TRIM44: variants seen among roughly 807,000 people sequenced by gnomAD.
TRIM44 encodes tripartite motif containing 44.
Under a neutral mutation model 37.4 loss-of-function variants are expected in TRIM44, and 13 were observed. The ratio of observed to expected loss-of-function variants is 0.35; its 90% confidence interval spans 0.23 to 0.55. The LOEUF is 0.55. TRIM44 is among the 20% of genes least tolerant of loss of function. TRIM44 has a pLI of 0.89. For missense variants in TRIM44, 426 were observed against 437.2 expected (o/e 0.97, Z 0.23); for synonymous variants, 175 against 157.2 (o/e 1.11, Z -0.85).
chr11:35,757,691 A>G (rs542240132), intron 4 of TRIM44, among the ~76,000 whole-genome samples: 6 of 152,318 alleles, frequency 3.9e-5, no homozygotes, highest in African/African-American at 7.2e-5. Context: ...AGATTCTGGT[A>G]TGCTGTGTCT....
In TRIM44 at chr11:35,775,751, T is replaced by C. The variant is rs569125136; in HGVS notation, c.1008-30607T>C. Among the ~76,000 whole-genome samples, 3 of 152,342 alleles carry C rather than the reference T, an allele frequency of 2.0e-5. No individual in the cohort carries two copies. In the South Asian group the frequency reaches 6.2e-4, roughly 32 times the overall value. ...ATCATTTGGTTTTTGTCTTTGGTGCTGTTTATATGCTGGATTATGTTTATT... is the reference window on the plus strand; with the variant it reads ...ATCATTTGGTTTTTGTCTTTGGTGCCGTTTATATGCTGGATTATGTTTATT... On this transcript the variant is annotated intron_variant, in intron 4 of 4. Coordinates refer to ENST00000299413, the MANE Select transcript of TRIM44 (RefSeq NM_017583.6).
chr11:35,780,644 C>G (rs1005534090), intron 4 of TRIM44, among the ~76,000 whole-genome samples: 4 of 152,164 alleles, frequency 2.6e-5, no homozygotes, highest in African/African-American at 9.7e-5. Flanking sequence ...GGAATATGTG[C>G]CAATATTCAT....
intron 4 of TRIM44, among the ~76,000 whole-genome samples, chr11:35,736,710 GC>G (rs1184465421): frequency 1.3e-5 from 2 of 152,150 alleles, no homozygotes; most frequent in African/African-American, 4.8e-5. Flanking sequence ...TATGGCTAAA[GC>G]CACAGGCACC....
chr11:35,702,546 A>C (rs886083657), intron 2 of TRIM44, among the ~76,000 whole-genome samples: 1 of 152,238 alleles, frequency 6.6e-6, no homozygotes, highest in African/African-American at 2.4e-5. Flanking sequence ...ACTCACAGCA[A>C]ATCCTGTGAA....
At chr11:35,783,502 T>C (rs530435400) in intron 4 of TRIM44, among the ~76,000 whole-genome samples, 1 of 152,334 alleles carries the variant, frequency 6.6e-6, no homozygotes, top group Non-Finnish European at 1.5e-5. Flanking sequence ...ACATTTTCTT[T>C]CATTGTAATA....
At chr11:35,709,430 A>G (rs1851938509) in intron 2 of TRIM44, among the ~76,000 whole-genome samples, 1 of 152,208 alleles carries the variant, frequency 6.6e-6, no homozygotes, top group Non-Finnish European at 1.5e-5. Flanking sequence ...GGATGAAACA[A>G]AAAAATCCTT....
chr11:35,665,392 C>T (rs1186349475), intron 1 of TRIM44, among the ~76,000 whole-genome samples: 1 of 151,834 alleles, frequency 6.6e-6, no homozygotes, highest in African/African-American at 2.4e-5. Flanking sequence ...TCAAAACTTG[C>T]TATTACTGTA....
At chr11:35,773,645 C>T (rs1162907039) in intron 4 of TRIM44, among the ~76,000 whole-genome samples, 1 of 152,124 alleles carries the variant, frequency 6.6e-6, no homozygotes, top group African/African-American at 2.4e-5. Flanking sequence ...CAACAGGCCC[C>T]GGTGTGTGGT....
chr11:35,673,692 C>A (rs1851426524), intron 1 of TRIM44, among the ~76,000 whole-genome samples: 1 of 152,032 alleles, frequency 6.6e-6, no homozygotes, highest in African/African-American at 2.4e-5. Context: ...GCCTTTCAAT[C>A]AAAATAGGAT....
chr11:35,773,625 C>T (rs926061569), intron 4 of TRIM44, among the ~76,000 whole-genome samples: 6 of 152,132 alleles, frequency 3.9e-5, no homozygotes, highest in Non-Finnish European at 7.3e-5. Flanking sequence ...TCCCCTCTCC[C>T]CCTACCCCAC....
Position 35,726,095 on chromosome 11 carries a change from A to G in TRIM44, c.919A>G (p.Met307Val), listed in dbSNP as rs773660145. ...CATCCAATCCCACATGGATAGGTTG[A>G]TGACTCAGATGGCCCAAGCCAAGGA... ...ADIQSHMDRL[M>V]TQMAQAKEQL... Residue 307 changes from methionine to valine, a missense_variant, in exon 3 of 5, where the codon ATG becomes GTG. By Grantham distance (21) the Met-to-Val change is conservative. Around this residue, in one of 2 missense-constraint regions of TRIM44, gnomAD observed 95 missense variants for 134.2 expected, o/e 0.71. Coordinates refer to ENST00000299413, the MANE Select transcript of TRIM44 (RefSeq NM_017583.6). The G allele has an allele frequency of 6.8e-6, 11 of 1,614,130 alleles. No homozygotes were observed. In the East Asian group the frequency reaches 2.5e-4, roughly 36 times the overall value.
chr11:35,674,986 G>A (rs910891606), intron 1 of TRIM44, among the ~76,000 whole-genome samples: 1 of 152,142 alleles, frequency 6.6e-6, no homozygotes, highest in African/African-American at 2.4e-5. Flanking sequence ...CAGGCTTTGA[G>A]GTATCCTTTT....
intron 4 of TRIM44, among the ~76,000 whole-genome samples, chr11:35,752,441 C>T (rs1056750835): frequency 5.3e-5 from 8 of 152,156 alleles, no homozygotes; most frequent in African/African-American, 1.9e-4. Flanking sequence ...CAGAACACTG[C>T]ACTATGAATT....
At chr11:35,765,225 A>G (rs949515939) in intron 4 of TRIM44, among the ~76,000 whole-genome samples, 3 of 152,178 alleles carry the variant, frequency 2.0e-5, no homozygotes, top group African/African-American at 7.2e-5. Context: ...ACAAACATGT[A>G]TACCAGATAC....
chr11:35,745,652 A>G (rs543303338), intron 4 of TRIM44, among the ~76,000 whole-genome samples: 1 of 152,218 alleles, frequency 6.6e-6, no homozygotes, highest in Non-Finnish European at 1.5e-5. Flanking sequence ...TATTTACCCC[A>G]TTATTCCAGT....
chr11:35,731,058 T>C (rs1852252289), intron 3 of TRIM44, among the ~76,000 whole-genome samples: 1 of 152,152 alleles, frequency 6.6e-6, no homozygotes, highest in African/African-American at 2.4e-5. Flanking sequence ...TTTACTTTCT[T>C]TGTTTCTAAT....
At chr11:35,742,140 A>G (rs1852404814) in intron 4 of TRIM44, among the ~76,000 whole-genome samples, 1 of 151,842 alleles carries the variant, frequency 6.6e-6, no homozygotes, top group Non-Finnish European at 1.5e-5. Flanking sequence ...ATGAAGTCTC[A>G]CTTTGTTCCC....
intron 4 of TRIM44, among the ~76,000 whole-genome samples, chr11:35,752,759 C>T (rs1036067028): frequency 1.3e-5 from 2 of 152,182 alleles, no homozygotes; most frequent in African/African-American, 4.8e-5. Context: ...TCATGTTCCC[C>T]TCTGCAGGAA....
rs2133886514 is a variant in TRIM44, at chr11:35,806,779, C to T, written c.*394C>T. The T allele has an allele frequency of 5.6e-6, 1 of 177,212 alleles. No homozygotes were observed. Among genetic ancestry groups the T allele is most frequent in the East Asian group, 1.5e-4 (1 of 6,480 alleles). 11.0% of individuals were successfully genotyped at this position (177,212 alleles called of 1,614,324 possible). A position where few individuals can be genotyped will look rare whatever the true frequency, so the allele number is the denominator to read the frequency against. Reference sequence around the variant, plus strand: ...AAGGGAAGTCAGAGTTTTCTCCCTGCCTATTAACAAAAACCCAATTTTGTT... The same window carrying T: ...AAGGGAAGTCAGAGTTTTCTCCCTGTCTATTAACAAAAACCCAATTTTGTT... On this transcript the variant is annotated 3_prime_UTR_variant, in exon 5 of 5. Coordinates refer to ENST00000299413, the MANE Select transcript of TRIM44 (RefSeq NM_017583.6).
Sources: allele counts gnomAD v4.1 joint callset (sites outside exome capture counted in the v4.1 genomes callset), GRCh38; gene constraint gnomAD v4.1.1; regional missense constraint gnomAD v4.1.1; transcripts MANE v1.5; gene names NCBI Gene and HGNC (gene_info 2026-07-23, HGNC 2026-07-21).